The following TBC1D23 variants were observed in gnomAD, a reference collection of about 807,000 sequenced individuals.
TBC1D23 encodes HCV non-structural protein 4A-transactivated protein 1.
A neutral mutation model predicts 91.4 loss-of-function variants in TBC1D23; 55 were observed. The ratio of observed to expected loss-of-function variants is 0.60; its 90% confidence interval spans 0.48 to 0.75. TBC1D23 has a LOEUF of 0.75. Ranked by LOEUF, TBC1D23 falls within the 30% of genes least tolerant of loss-of-function variation. TBC1D23 has a pLI of 0.00. For missense variants in TBC1D23, 725 were observed against 836.1 expected, an observed-to-expected ratio of 0.87 and a Z score of 1.64; for synonymous variants, 289 against 281.0, an observed-to-expected ratio of 1.03 and a Z score of -0.28.
At chr3:100,271,301 A>G (rs1297000801) in intron 1 of TBC1D23, among the ~76,000 whole-genome samples, 1 of 152,194 alleles carries the variant, frequency 6.6e-6, no homozygotes, top group Non-Finnish European at 1.5e-5. Context: ...TGTGAAAGGA[A>G]CAACCAAAAG....
chr3:100,287,738 A>G (rs1206232309), intron 4 of TBC1D23, among the ~76,000 whole-genome samples: 13 of 152,102 alleles, frequency 8.5e-5, no homozygotes, highest in Non-Finnish European at 1.5e-5. Context: ...CACATCTTAG[A>G]TTTTAGAAAT....
intron 1 of TBC1D23, chr3:100,261,324 C>G (rs2067508662): frequency 1.8e-6 from 1 of 544,240 alleles, no homozygotes; most frequent in African/African-American, 1.9e-5. Context: ...CCTCCTGTGT[C>G]GTCTGTCAGT....
At chr3:100,275,534 C>G (rs1442477571) in intron 1 of TBC1D23, among the ~76,000 whole-genome samples, 1 of 152,168 alleles carries the variant, frequency 6.6e-6, no homozygotes, top group Non-Finnish European at 1.5e-5. Flanking sequence ...GCCATCCAAC[C>G]AGAAGTGCTG....
At chr3:100,301,408 G>T (rs571134315) in intron 10 of TBC1D23, among the ~76,000 whole-genome samples, 8 of 152,228 alleles carry the variant, frequency 5.3e-5, no homozygotes, top group African/African-American at 1.9e-4. Flanking sequence ...TGTGATTACC[G>T]ATGAGGTTGA....
intron 15 of TBC1D23, 143 bp downstream of exon 15, chr3:100,312,020 AGT>A: frequency 3.3e-6 from 2 of 599,664 alleles, no homozygotes; most frequent in South Asian, 2.2e-5. Context: ...GCTTTTTAGG[AGT>A]GTGTCATGTT....
intron 15 of TBC1D23, among the ~76,000 whole-genome samples, chr3:100,314,405 C>CA (rs910244301): frequency 3.2e-4 from 49 of 151,690 alleles, no homozygotes; most frequent in African/African-American, 1.0e-3. Flanking sequence ...GTAACCGGCA[C>CA]AAAAAAAATT....
intron 7 of TBC1D23, among the ~76,000 whole-genome samples, chr3:100,295,842 G>A (rs1035452459): frequency 6.6e-6 from 1 of 152,096 alleles, no homozygotes; most frequent in Non-Finnish European, 1.5e-5. Flanking sequence ...ACAAGACAAA[G>A]TTCTTTAAGT....
Position 100,261,189 on chromosome 3 carries a change from AGTCCG to A in TBC1D23, c.53+121_53+125del, listed in dbSNP as rs1200359136. On this transcript the variant is annotated intron_variant, in intron 1 of 18. Coordinates refer to ENST00000394144, the MANE Select transcript of TBC1D23 (RefSeq NM_001199198.3). ...GAACGGAGAGGCCGGTCCTAGGCGA[AGTCCG>A]GTGCCCTGCCCTACCCCTCTGCCAG... is the stretch of plus-strand genomic sequence containing the variant. The A allele has an allele frequency of 1.1e-5, 11 of 983,292 alleles. No homozygotes were observed. In the Admixed American group the frequency reaches 1.8e-4, roughly 16 times the overall value. 60.9% of individuals were successfully genotyped at this position (983,292 alleles called of 1,614,324 possible). A position where few individuals can be genotyped will look rare whatever the true frequency, so the allele number is the denominator to read the frequency against.
intron 7 of TBC1D23, among the ~76,000 whole-genome samples, chr3:100,295,887 G>C (rs1260513375): frequency 6.6e-6 from 1 of 151,996 alleles, no homozygotes; most frequent in African/African-American, 2.4e-5. Context: ...TTATGTTCAG[G>C]GGCCTTGGCA....
At chr3:100,266,680 T>C (rs562951198) in intron 1 of TBC1D23, among the ~76,000 whole-genome samples, 1 of 152,248 alleles carries the variant, frequency 6.6e-6, no homozygotes, top group African/African-American at 2.4e-5. Flanking sequence ...TAAATGTATT[T>C]CAATTAATTC....
At position 100,301,272 on chromosome 3, in the gene TBC1D23, C is replaced by CAAAAA. The variant is rs71697646; in HGVS notation, c.1093-780_1093-776dup. On this transcript the variant is annotated intron_variant, in intron 10 of 18. Transcript: ENST00000394144. ...TGGGTGACAGAGGGAGATTCCGTCT[C>CAAAAA]AAAAAAAAAAAAAAAAAAATGGTGG... Among the ~76,000 whole-genome samples the CAAAAA allele has an allele frequency of 4.6e-3, 522 of 113,056 alleles. 6 individuals are homozygous for CAAAAA. The highest frequency in any genetic ancestry group is 6.1e-3 in the Non-Finnish European group (335 of 54,500). 74.2% of individuals were successfully genotyped at this position (113,056 alleles called of 152,430 possible).
chr3:100,274,601 C>T (rs2067629346), intron 1 of TBC1D23, among the ~76,000 whole-genome samples: 1 of 151,774 alleles, frequency 6.6e-6, no homozygotes, highest in Non-Finnish European at 1.5e-5. Flanking sequence ...TAACCGCTCT[C>T]TAAATTTACT....
intron 18 of TBC1D23, among the ~76,000 whole-genome samples, chr3:100,321,846 C>T (rs1301608874): frequency 7.1e-6 from 1 of 141,188 alleles, no homozygotes; most frequent in East Asian, 2.3e-4. Context: ...AAAAAAAAAT[C>T]ACTTCATTGC....
At chr3:100,284,278 G>GT (rs1278308174) in intron 4 of TBC1D23, among the ~76,000 whole-genome samples, 6 of 151,898 alleles carry the variant, frequency 4.0e-5, no homozygotes, top group Non-Finnish European at 8.8e-5. Context: ...CTATGTATGT[G>GT]TTTTTTATAA....
At chr3:100,316,515 T>G (rs138432907) in intron 16 of TBC1D23, among the ~76,000 whole-genome samples, 8 of 152,166 alleles carry the variant, frequency 5.3e-5, no homozygotes, top group African/African-American at 1.9e-4. Flanking sequence ...GGCAGTTGAT[T>G]ATAGGTGTCT....
chr3:100,316,508 A>T (rs1332715924), intron 16 of TBC1D23, among the ~76,000 whole-genome samples: 1 of 152,052 alleles, frequency 6.6e-6, no homozygotes, highest in Middle Eastern at 3.2e-3. Context: ...GAGTAGAGGC[A>T]GTTGATTATA....
At chr3:100,283,973 A>AT (rs1280131337) in intron 4 of TBC1D23, 162 bp downstream of exon 4, 4 of 541,546 alleles carry the variant, frequency 7.4e-6, no homozygotes, top group African/African-American at 5.7e-5. Context: ...GGTTATAAAC[A>AT]TTTTTTAAAA....
intron 5 of TBC1D23, 109 bp from the exon 6 acceptor site, chr3:100,294,978 C>T (rs990322852): frequency 6.4e-6 from 7 of 1,087,710 alleles, no homozygotes; most frequent in Admixed American, 5.4e-5. Context: ...CATTAAATAT[C>T]AGGTGCAGAT....
intron 13 of TBC1D23, 133 bp downstream of exon 13, chr3:100,306,676 G>A (rs1705523540): frequency 3.6e-6 from 2 of 550,088 alleles, no homozygotes; most frequent in Admixed American, 6.5e-5. Context: ...TCATATTATT[G>A]TGAGATTAAT....
Sources: allele counts gnomAD v4.1 joint callset (sites outside exome capture counted in the v4.1 genomes callset), GRCh38; gene constraint gnomAD v4.1.1; transcripts MANE v1.5; gene names NCBI Gene and HGNC (gene_info 2026-07-23, HGNC 2026-07-21).